Variants in CLVS1 observed in about 807,000 individuals in gnomAD.
CLVS1 encodes the protein clavesin-1.
In CLVS1, 10 loss-of-function variants were observed where a neutral mutation model predicts 33.1. The ratio of observed to expected loss-of-function variants is 0.30; its 90% confidence interval spans 0.19 to 0.51. The LOEUF (loss-of-function observed/expected upper bound fraction) is 0.51. Among genes scored for constraint, CLVS1 ranks in the 20% least tolerant of loss-of-function variants. The probability of loss-of-function intolerance (pLI) is 0.97; values close to 1 mark genes in which losing one functional copy is unlikely to be tolerated. For synonymous variants in CLVS1, 163 were observed against 166.1 expected, an observed-to-expected ratio of 0.98 and a Z score of 0.14; for missense variants, 343 against 433.4, an observed-to-expected ratio of 0.79 and a Z score of 1.85.
intron 4 of CLVS1, among the ~76,000 whole-genome samples, chr8:61,455,499 G>T (rs1387268791): frequency 6.6e-6 from 1 of 151,802 alleles, no homozygotes; most frequent in Non-Finnish European, 1.5e-5. Flanking sequence ...TAATATAATT[G>T]TTCTTTAGGT....
chr8:61,023,724 C>A, the CLVS1 span, among the ~76,000 whole-genome samples: 4 of 152,194 alleles, frequency 2.6e-5, no homozygotes, highest in African/African-American at 9.6e-5. Flanking sequence ...GGAGGCTGCG[C>A]GCCGGCCCCA....
At chr8:61,011,045 G>A in the CLVS1 span, among the ~76,000 whole-genome samples, 37 of 152,332 alleles carry the variant, frequency 2.4e-4, no homozygotes, top group Middle Eastern at 0.017. Context: ...TCCCGTCACC[G>A]CTGTAATGGG....
At chr8:61,220,385 A>G (rs939989838) in intron 2 of CLVS1, among the ~76,000 whole-genome samples, 2 of 152,172 alleles carry the variant, frequency 1.3e-5, no homozygotes, top group African/African-American at 4.8e-5. Context: ...ATAGCTAGCC[A>G]ATTTTCCCAG....
At chr8:61,304,364 C>A (rs549841403) in intron 2 of CLVS1, among the ~76,000 whole-genome samples, 40 of 152,316 alleles carry the variant, frequency 2.6e-4, no homozygotes, top group Admixed American at 1.4e-3. Context: ...GCCTGGGCTA[C>A]CTGAGCATAA....
the CLVS1 span, among the ~76,000 whole-genome samples, chr8:61,031,965 A>G: frequency 6.6e-6 from 1 of 152,244 alleles, no homozygotes; most frequent in African/African-American, 2.4e-5. Flanking sequence ...TCAAGGGAAA[A>G]AATAAGATAA....
intron 2 of CLVS1, among the ~76,000 whole-genome samples, chr8:61,372,829 A>G (rs915976694): frequency 1.3e-5 from 2 of 152,164 alleles, no homozygotes; most frequent in African/African-American, 2.4e-5. Flanking sequence ...CTCTTGGGTT[A>G]TATTTATTTG....
upstream of CLVS1, among the ~76,000 whole-genome samples, chr8:61,284,815 C>T (rs910207154): frequency 6.6e-6 from 1 of 152,156 alleles, no homozygotes; most frequent in Non-Finnish European, 1.5e-5. Context: ...GTGTGACCTT[C>T]ATGTCTACTT....
upstream of CLVS1, among the ~76,000 whole-genome samples, chr8:61,286,376 C>G (rs569684991): frequency 6.6e-6 from 1 of 152,304 alleles, no homozygotes; most frequent in African/African-American, 2.4e-5. Context: ...CCCTATGGAG[C>G]CATAGAGCAT....
Position 61,277,343 on chromosome 8 carries a change from A to G in CLVS1, c.-151-22334A>G, listed in dbSNP as rs550219480. Among the ~76,000 whole-genome samples the G allele has an allele frequency of 3.2e-4, 48 of 152,290 alleles. No individual in the cohort carries two copies. The South Asian group carries it at 7.1e-3, about 22-fold the overall frequency. On this transcript the variant is annotated intron_variant, in intron 2 of 2. Coordinates refer to the CLVS1 transcript ENST00000522621. ...ACAAATTGTCCCCAAACCTGCATTC[A>G]GGGCTTGTGTGGACTTCTGCATAAG...
the CLVS1 span, among the ~76,000 whole-genome samples, chr8:60,992,296 C>G: frequency 6.6e-6 from 1 of 152,146 alleles, no homozygotes; most frequent in African/African-American, 2.4e-5. Context: ...GTTCTATCAC[C>G]TATTTCCAAG....
chr8:61,496,655 G>A (rs1294127421), intron 5 of CLVS1, among the ~76,000 whole-genome samples: 2 of 99,136 alleles, frequency 2.0e-5, no homozygotes, highest in Non-Finnish European at 5.9e-5. Context: ...CTGTTTGAAT[G>A]GATTGATAGT....
At chr8:61,350,320 G>T (rs1302921024) in intron 2 of CLVS1, among the ~76,000 whole-genome samples, 9 of 152,106 alleles carry the variant, frequency 5.9e-5, no homozygotes, top group Non-Finnish European at 1.0e-4. Context: ...TCTCTTTCCA[G>T]AGGTCTAGTT....
At chr8:61,330,470 G>A (rs1414725296) in intron 2 of CLVS1, among the ~76,000 whole-genome samples, 1 of 152,148 alleles carries the variant, frequency 6.6e-6, no homozygotes, top group African/African-American at 2.4e-5. Context: ...CAGGCTGGAG[G>A]TCTTCTCACT....
At chr8:61,172,292 A>AAAG (rs1195769482) in intron 2 of CLVS1, among the ~76,000 whole-genome samples, 1 of 150,086 alleles carries the variant, frequency 6.7e-6, no homozygotes, top group East Asian at 1.9e-4. Context: ...GGAAACATCA[A>AAAG]AAGAAGACTT....
At chr8:61,053,338 T>C (rs1045367211), upstream of CLVS1, among the ~76,000 whole-genome samples, 1 of 151,996 alleles carries the variant, frequency 6.6e-6, no homozygotes, top group Non-Finnish European at 1.5e-5. Context: ...GCCTCCAGCA[T>C]GAGGAGGTTG....
chr8:61,245,480 C>T lies in CLVS1; in HGVS notation c.-151-54197C>T, dbSNP rs116343713. ...GATTACAGGTGTGAGCCACTGCACC[C>T]GGCCAGATCTGTCTTTCATAAGAAG... On this transcript the variant is annotated intron_variant, in intron 2 of 2. Coordinates refer to the CLVS1 transcript ENST00000522621. Among the ~76,000 whole-genome samples the T allele has an allele frequency of 5.1e-3, 775 of 152,004 alleles. 11 individuals carry two copies. The highest frequency in any genetic ancestry group is 0.018 in the African/African-American group (736 of 41,458).
At chr8:61,256,518 C>T (rs12381467) in intron 2 of CLVS1, among the ~76,000 whole-genome samples, 1 of 151,460 alleles carries the variant, frequency 6.6e-6, no homozygotes, top group African/African-American at 2.4e-5. Context: ...GTCTCAAAAA[C>T]AAAAAACAAA....
intron 2 of CLVS1, among the ~76,000 whole-genome samples, chr8:61,188,949 A>G (rs887338819): frequency 7.2e-5 from 11 of 152,176 alleles, no homozygotes; most frequent in African/African-American, 2.4e-4. Context: ...CAGAATACCA[A>G]GAAATCCTAA....
At chr8:61,163,019 C>A (rs529050453) in intron 2 of CLVS1, among the ~76,000 whole-genome samples, 34 of 152,210 alleles carry the variant, frequency 2.2e-4, no homozygotes, top group Non-Finnish European at 4.3e-4. Context: ...AGAAGTCTCA[C>A]CCATGGGGCT....
Sources: allele counts gnomAD v4.1 joint callset (sites outside exome capture counted in the v4.1 genomes callset), GRCh38; gene constraint gnomAD v4.1.1; transcripts MANE v1.5; gene names NCBI Gene and HGNC (gene_info 2026-07-23, HGNC 2026-07-21).